Variants in MAP2 observed in about 807,000 individuals in gnomAD.
The protein encoded by MAP2 is microtubule-associated protein 2.
Under a neutral mutation model 137.6 loss-of-function variants are expected in MAP2, and 14 were observed. The observed-to-expected ratio is 0.10, with a 90% CI of 0.07 to 0.16. MAP2 has a LOEUF of 0.16. Among genes scored for constraint, MAP2 ranks in the 10% least tolerant of loss-of-function variants. The pLI is 1.00. For missense variants in MAP2, 2,088 were observed against 2,191.5 expected, an observed-to-expected ratio of 0.95 and a Z score of 0.94; for synonymous variants, 786 against 782.3, an observed-to-expected ratio of 1.00 and a Z score of -0.08.
chr2:209,555,776 A>G (rs2070416638), intron 2 of MAP2, among the ~76,000 whole-genome samples: 1 of 152,166 alleles, frequency 6.6e-6, no homozygotes, highest in African/African-American at 2.4e-5. Flanking sequence ...TAGCCAGGAA[A>G]ACCAAGCGAT....
chr2:209,561,241 G>T (rs2071993482), intron 2 of MAP2, among the ~76,000 whole-genome samples: 1 of 152,182 alleles, frequency 6.6e-6, no homozygotes, highest in Non-Finnish European at 1.5e-5. Flanking sequence ...GTCAAATTCA[G>T]GTGAAAGAAT....
chr2:209,557,976 T>C (rs1389576475), intron 2 of MAP2, among the ~76,000 whole-genome samples: 3 of 152,188 alleles, frequency 2.0e-5, no homozygotes, highest in Non-Finnish European at 4.4e-5. Flanking sequence ...AATATTTTCT[T>C]CTCCAAACTT....
At chr2:209,619,127 G>A (rs2090392599) in intron 3 of MAP2, among the ~76,000 whole-genome samples, 1 of 152,130 alleles carries the variant, frequency 6.6e-6, no homozygotes, top group Non-Finnish European at 1.5e-5. Flanking sequence ...TGGCAGTGAT[G>A]TTGGGGGTAT....
At chr2:209,662,533 C>T (rs1304902651) in intron 5 of MAP2, among the ~76,000 whole-genome samples, 1 of 152,106 alleles carries the variant, frequency 6.6e-6, no homozygotes, top group Non-Finnish European at 1.5e-5. Flanking sequence ...TGACCTTTCT[C>T]TCATCCCATT....
At chr2:209,598,571 T>C (rs2082036770) in intron 3 of MAP2, among the ~76,000 whole-genome samples, 1 of 147,806 alleles carries the variant, frequency 6.8e-6, no homozygotes, top group East Asian at 2.0e-4. Flanking sequence ...TAGCATTAGG[T>C]ATATCTCCCA....
chr2:209,483,839 A>T (rs2058027283), intron 1 of MAP2, among the ~76,000 whole-genome samples: 1 of 152,116 alleles, frequency 6.6e-6, no homozygotes, highest in Admixed American at 6.5e-5. Flanking sequence ...TCCTTTCATC[A>T]TGGGGAAGAT....
intron 3 of MAP2, among the ~76,000 whole-genome samples, chr2:209,617,468 G>A (rs2089873204): frequency 6.6e-6 from 1 of 152,102 alleles, no homozygotes; most frequent in Non-Finnish European, 1.5e-5. Flanking sequence ...AAATGTCAAG[G>A]GTGGGGGATT....
intron 1 of MAP2, among the ~76,000 whole-genome samples, chr2:209,441,464 AG>A (rs1697756892): frequency 6.6e-6 from 1 of 151,568 alleles, no homozygotes; most frequent in Admixed American, 6.6e-5. Flanking sequence ...AATCCTTTGG[AG>A]GACATGATGC....
At chr2:209,661,784 T>C in intron 5 of MAP2, 1 of 663,230 alleles carries the variant, frequency 1.5e-6, no homozygotes, top group Non-Finnish European at 1.9e-6. Context: ...TGTTGATGAA[T>C]AGGATTTGAA....
At chr2:209,689,366 A>G (rs1343043667) in intron 7 of MAP2, among the ~76,000 whole-genome samples, 1 of 152,068 alleles carries the variant, frequency 6.6e-6, no homozygotes, top group Non-Finnish European at 1.5e-5. Context: ...ATAAAAGAAA[A>G]TTCCTTTTCT....
chr2:209,631,721 G>C (rs1014812441), intron 4 of MAP2, among the ~76,000 whole-genome samples: 2 of 152,122 alleles, frequency 1.3e-5, no homozygotes, highest in Non-Finnish European at 2.9e-5. Flanking sequence ...GGAGAGAAAA[G>C]AGTATGTGAT....
intron 3 of MAP2, among the ~76,000 whole-genome samples, chr2:209,620,804 T>C (rs925572853): frequency 6.6e-6 from 1 of 152,184 alleles, no homozygotes. Context: ...GTAGGTCAGA[T>C]TGATAGTGGA....
intron 2 of MAP2, among the ~76,000 whole-genome samples, chr2:209,519,888 G>A (rs2063030216): frequency 6.6e-6 from 1 of 151,960 alleles, no homozygotes; most frequent in Admixed American, 6.6e-5. Context: ...TTGATTGTTG[G>A]GTAAATTATT....
At chr2:209,675,944 T>C (rs1171387397) in intron 5 of MAP2, among the ~76,000 whole-genome samples, 7 of 151,764 alleles carry the variant, frequency 4.6e-5, no homozygotes, top group Non-Finnish European at 7.4e-5. Context: ...GGTTTTAAGG[T>C]TACTAAATGT....
rs1015787492 is a variant in MAP2 at position 209,696,358 on chromosome 2, T to G, written c.4180+8T>G. 6.7e-7 allele frequency: 1 copy of G among 1,494,998 alleles called. No individual in the cohort carries two copies. The highest frequency in any genetic ancestry group is 2.3e-5 in the Admixed American group (1 of 42,860). 92.6% of individuals were successfully genotyped at this position (1,494,998 alleles called of 1,614,324 possible). A position where few individuals can be genotyped will look rare whatever the true frequency, so the allele number is the denominator to read the frequency against. On this transcript the variant is annotated splice_region_variant and intron_variant, in intron 8 of 15. Transcript: ENST00000682079. ...TCTGGGTGGACACTCAAGGTGTGCA[T>G]TATTATTATTATTATTTTAACTCAA...
intron 1 of MAP2, among the ~76,000 whole-genome samples, chr2:209,436,430 G>A (rs747394529): frequency 6.6e-6 from 1 of 151,582 alleles, no homozygotes; most frequent in Non-Finnish European, 1.5e-5. Context: ...CAAACAATAA[G>A]CAGTTCTTAT....
At chr2:209,476,432 T>A (rs1707253599) in intron 1 of MAP2, among the ~76,000 whole-genome samples, 1 of 150,702 alleles carries the variant, frequency 6.6e-6, no homozygotes, top group African/African-American at 2.4e-5. Flanking sequence ...GCTATACGTA[T>A]AATTCAGGCT....
At chr2:209,561,383 G>C (rs1350150146) in intron 2 of MAP2, among the ~76,000 whole-genome samples, 1 of 152,178 alleles carries the variant, frequency 6.6e-6, no homozygotes, top group Non-Finnish European at 1.5e-5. Context: ...TTCTGATAAA[G>C]AATCCATTAC....
intron 2 of MAP2, among the ~76,000 whole-genome samples, chr2:209,528,098 TC>T (rs71736262): frequency 0.073 from 10,592 of 144,776 alleles, 495 homozygotes; most frequent in African/African-American, 0.13. Context: ...GAAGCCATCT[TC>T]CCCCCCTGCC....
Sources: gnomAD v4.1 joint callset for allele counts (sites outside exome capture counted in the v4.1 genomes callset) on GRCh38, gnomAD v4.1.1 for gene constraint, MANE v1.5 for transcripts, NCBI Gene and HGNC (gene_info 2026-07-23, HGNC 2026-07-21) for gene names.